Variants in COL5A1 observed in about 807,000 individuals in gnomAD.
COL5A1 encodes collagen alpha-1(V) chain.
In COL5A1, 16 loss-of-function variants were observed where a neutral mutation model predicts 263.7. The ratio of observed to expected loss-of-function variants is 0.06; its 90% CI spans 0.04 to 0.09. COL5A1 has a LOEUF of 0.09. COL5A1 is among the 10% of genes least tolerant of loss of function. The pLI is 1.00. For missense variants in COL5A1, 2,036 were observed against 2,540.5 expected, an observed-to-expected ratio of 0.80 and a Z score of 4.27; for synonymous variants, 1,012 against 1,004.5, an observed-to-expected ratio of 1.01 and a Z score of -0.14.
At position 134,802,157 on chromosome 9, in the gene COL5A1, G is replaced by A. The variant is rs926146073; in HGVS notation, c.3006+150G>A. The A allele has an allele frequency of 9.9e-6, 8 of 810,524 alleles. No homozygotes were observed. In the African/African-American group the frequency reaches 1.0e-4, roughly 10 times the overall value. 50.2% of individuals were successfully genotyped at this position (810,524 alleles called of 1,614,324 possible). ...TCTTAGGTCCTGAATGTTGGTCAGC[G>A]TGAGGCTCGCCCCACGCAGGAGCAA... On this transcript the variant is annotated intron_variant, in intron 38 of 65. Transcript: ENST00000371817.
rs373089071 is a variant in COL5A1 at position 134,700,084 on chromosome 9, C to G, written c.453C>G (p.Asp151Glu). The stretch of plus-strand genomic sequence containing the variant: ...ACACGGGGAAGCCTGGCCCGGAAGA[C>G]TACCCCCTCTTCCGGGGCATCAACC... The part of the protein sequence containing the change: ...EDHTGKPGPE[D>E]YPLFRGINLS... Residue 151 changes from aspartate to glutamate, a missense_variant, in exon 3 of 66, where the codon GAC becomes GAG. By Grantham distance (45) the Asp-to-Glu change is conservative (BLOSUM62 2). Around this residue, in one of 3 missense-constraint regions of COL5A1, gnomAD observed 600 missense variants for 634.5 expected, o/e 0.95. Transcript: ENST00000371817. This position sits in a 1 kb window ranked among gnomAD's most constrained non-coding sequence, Gnocchi z 4.0. 1.9e-5 allele frequency: 30 copies of G among 1,610,714 alleles called. No individual in the cohort carries two copies. The highest frequency in any genetic ancestry group is 2.5e-5 in the Non-Finnish European group (30 of 1,180,018).
At chr9:134,660,011 G>A (rs1019815409) in intron 1 of COL5A1, among the ~76,000 whole-genome samples, 3 of 152,176 alleles carry the variant, frequency 2.0e-5, no homozygotes, top group Admixed American at 1.3e-4. Flanking sequence ...AGGCGCAGGC[G>A]GGCCAGGGGT....
In COL5A1 at chr9:134,701,247, T is replaced by A; in HGVS notation, c.568T>A (p.Phe190Ile). Reference sequence around the variant, plus strand: ...CGACTGTAAAAAGAAGACCACCAAATTCCTCGACCGCAGCGACCACCCCAT... The same window carrying A: ...CGACTGTAAAAAGAAGACCACCAAAATCCTCGACCGCAGCGACCACCCCAT... Reference protein sequence around the residue: ...ILDCKKKTTKFLDRSDHPMID... With the variant: ...ILDCKKKTTKILDRSDHPMID... Residue 190 changes from phenylalanine (F) to isoleucine (I), a missense_variant, in exon 4 of 66, where the codon TTC becomes ATC. Physicochemically the swap from Phe to Ile is conservative, Grantham distance 21. This residue lies in a region of COL5A1 where 600 missense variants were observed against 634.5 expected (regional missense o/e 0.95). Transcript: ENST00000371817. 1 of 1,613,914 alleles carries A rather than the reference T, an allele frequency of 6.2e-7. No homozygotes were observed. Among genetic ancestry groups the A allele is most frequent in the Non-Finnish European group, 8.5e-7 (1 of 1,179,972 alleles).
At chr9:134,672,676 A>G (rs1243433136) in intron 1 of COL5A1, among the ~76,000 whole-genome samples, 1 of 152,234 alleles carries the variant, frequency 6.6e-6, no homozygotes, top group African/African-American at 2.4e-5. Flanking sequence ...CTGGTGAAAT[A>G]AGGTAAGAAA....
At chr9:134,704,698 G>A (rs1833782790) in intron 4 of COL5A1, among the ~76,000 whole-genome samples, 1 of 152,136 alleles carries the variant, frequency 6.6e-6, no homozygotes, top group South Asian at 2.1e-4. Flanking sequence ...GAGTTTCCTG[G>A]CTGTTAGCTG....
At position 134,754,188 on chromosome 9, in the gene COL5A1, G is replaced by A; in HGVS notation, c.1774-85G>A. 1 of 1,447,650 alleles carries A rather than the reference G, an allele frequency of 6.9e-7. No homozygotes were observed. The highest frequency in any genetic ancestry group is 9.6e-7 in the Non-Finnish European group (1 of 1,040,652). 89.7% of individuals were successfully genotyped at this position (1,447,650 alleles called of 1,614,324 possible). Reference sequence around the variant, plus strand: ...GCTTGGACAGCCAGGCATGGGCAGGGTCGATGAGCACAGGGACAAGGCTTT... The same window carrying A: ...GCTTGGACAGCCAGGCATGGGCAGGATCGATGAGCACAGGGACAAGGCTTT... On this transcript the variant is annotated intron_variant, in intron 15 of 65. Coordinates refer to ENST00000371817, the MANE Select transcript of COL5A1 (RefSeq NM_000093.5). The surrounding 1 kb of genome is among the most constrained non-coding windows in gnomAD (Gnocchi z 4.3).
intron 37 of COL5A1, among the ~76,000 whole-genome samples, chr9:134,801,570 C>T (rs1269268622): frequency 1.3e-5 from 2 of 152,152 alleles, no homozygotes; most frequent in East Asian, 3.9e-4. Context: ...AGGTGGATCA[C>T]GAGGTCAGGA....
chr9:134,765,477 C>G lies in COL5A1; in HGVS notation c.2035-204C>G, dbSNP rs1287601284. Reference sequence around the variant, plus strand: ...TTCTCACCAATTCCAGACACCTGCCCCTGGTTCCCAACACCAGGGTGGGGT... The same window carrying G: ...TTCTCACCAATTCCAGACACCTGCCGCTGGTTCCCAACACCAGGGTGGGGT... On this transcript the variant is annotated intron_variant, in intron 20 of 65. Transcript: ENST00000371817. The surrounding 1 kb of genome is among the most constrained non-coding windows in gnomAD (Gnocchi z 5.1). 6.6e-6 allele frequency among the ~76,000 whole-genome samples: 1 copy of G among 152,064 alleles called. No homozygotes were observed. The highest frequency in any genetic ancestry group is 1.5e-5 in the Non-Finnish European group (1 of 67,990).
At chr9:134,781,068 T>C (rs918423211) in intron 28 of COL5A1, among the ~76,000 whole-genome samples, 11 of 152,242 alleles carry the variant, frequency 7.2e-5, no homozygotes, top group African/African-American at 2.7e-4. Context: ...CGAGACTCCT[T>C]ATTTGCTACC....
chr9:134,677,953 A>G lies in COL5A1; in HGVS notation c.110-12959A>G, dbSNP rs1832726942. Among the ~76,000 whole-genome samples the G allele has an allele frequency of 6.6e-6, 1 of 152,194 alleles. No homozygotes were observed. Among genetic ancestry groups the G allele is most frequent in the African/African-American group, 2.4e-5 (1 of 41,448 alleles). ...TTCTCTGTCGCCCCATAGCTTGGGTATGGAGGGCCTCCTCTCCATGCAAGG... is the reference window on the plus strand; with the variant it reads ...TTCTCTGTCGCCCCATAGCTTGGGTGTGGAGGGCCTCCTCTCCATGCAAGG... On this transcript the variant is annotated intron_variant, in intron 1 of 65. Coordinates refer to ENST00000371817, the MANE Select transcript of COL5A1 (RefSeq NM_000093.5). The surrounding 1 kb of genome is among the most constrained non-coding windows in gnomAD (Gnocchi z 4.4).
chr9:134,728,385 C>G (rs905339034), intron 5 of COL5A1, among the ~76,000 whole-genome samples: 4 of 152,256 alleles, frequency 2.6e-5, no homozygotes, highest in African/African-American at 9.6e-5. Flanking sequence ...GGCCTGGGTT[C>G]CAAAGGGCCA....
chr9:134,648,619 C>A (rs1831554385), intron 1 of COL5A1, among the ~76,000 whole-genome samples: 1 of 152,188 alleles, frequency 6.6e-6, no homozygotes, highest in African/African-American at 2.4e-5. Flanking sequence ...ATATAAAGCA[C>A]AGAGTAAGAC....
chr9:134,759,922 C>T (rs1836239263), intron 18 of COL5A1, among the ~76,000 whole-genome samples: 1 of 128,802 alleles, frequency 7.8e-6, no homozygotes, highest in Non-Finnish European at 1.6e-5. Context: ...CACACTCATA[C>T]ATGCACACAC....
chr9:134,700,733 A>T lies in COL5A1; in HGVS notation c.492-438A>T, dbSNP rs1833641137. The stretch of plus-strand genomic sequence containing the variant: ...CTTCTCTGGCTGCCTGCAGTTTGCC[A>T]TCGGGGTTCAGAGGGCACGTGACAA... On this transcript the variant is annotated intron_variant, in intron 3 of 65. Transcript: ENST00000371817. This position sits in a 1 kb window ranked among gnomAD's most constrained non-coding sequence, Gnocchi z 4.0. Among the ~76,000 whole-genome samples, 1 of 152,236 alleles carries T rather than the reference A, an allele frequency of 6.6e-6. No homozygotes were observed. Among genetic ancestry groups the T allele is most frequent in the Non-Finnish European group, 1.5e-5 (1 of 68,046 alleles).
chr9:134,759,998 CCA>C lies in COL5A1; in HGVS notation c.1935+1706_1935+1707del, dbSNP rs565311597. On this transcript the variant is annotated intron_variant, in intron 18 of 65. Coordinates refer to ENST00000371817, the MANE Select transcript of COL5A1 (RefSeq NM_000093.5). The stretch of plus-strand genomic sequence containing the variant: ...GCACACACATGCACACCCACACACC[CCA>C]CACTCATACACACATGCACACACAC... Among the ~76,000 whole-genome samples, 99 of 118,524 alleles carry C rather than the reference CCA, an allele frequency of 8.4e-4. 3 individuals are homozygous for C. The highest frequency in any genetic ancestry group is 7.5e-3 in the East Asian group (23 of 3,086). The allele number at this position is 118,524 out of a possible 152,430, so 77.8% of individuals were successfully genotyped here.
Position 134,696,445 on chromosome 9 carries a change from G to A in COL5A1, c.278-3464G>A, listed in dbSNP as rs1833471886. Among the ~76,000 whole-genome samples the A allele has an allele frequency of 6.6e-6, 1 of 152,120 alleles. No homozygotes were observed. The highest frequency in any genetic ancestry group is 6.5e-5 in the Admixed American group (1 of 15,268). On this transcript the variant is annotated intron_variant, in intron 2 of 65. Coordinates refer to ENST00000371817, the MANE Select transcript of COL5A1 (RefSeq NM_000093.5). This position sits in a 1 kb window ranked among gnomAD's most constrained non-coding sequence, Gnocchi z 4.3. ...TCCTGCCTTGGCCTCCCAAAGTGCT[G>A]GGATTACAGGCATGAACCACCTCGC...
intron 15 of COL5A1, 50 bp downstream of exon 15, chr9:134,753,953 G>A (rs781069156): frequency 2.3e-5 from 36 of 1,532,772 alleles, no homozygotes; most frequent in Admixed American, 6.7e-5. Context: ...CCCGTTCTCC[G>A]GCGGCAGCGA....
In COL5A1 at chr9:134,841,220, C is replaced by A. The variant is rs1840012900; in HGVS notation, c.5371-937C>A. ...CTGGGTCTGAGGTAGCAAAAGCCATCTGCCCAGGATGCGTTTGCAGGCTCC... is the reference window on the plus strand; with the variant it reads ...CTGGGTCTGAGGTAGCAAAAGCCATATGCCCAGGATGCGTTTGCAGGCTCC... On this transcript the variant is annotated intron_variant, in intron 65 of 65. Coordinates refer to ENST00000371817, the MANE Select transcript of COL5A1 (RefSeq NM_000093.5). The surrounding 1 kb of genome is among the most constrained non-coding windows in gnomAD (Gnocchi z 4.8). Among the ~76,000 whole-genome samples the A allele has an allele frequency of 2.6e-5, 4 of 152,234 alleles. No homozygotes were observed. The highest frequency in any genetic ancestry group is 4.8e-5 in the African/African-American group (2 of 41,474).
At chr9:134,837,374 C>T (rs940585440) in intron 65 of COL5A1, among the ~76,000 whole-genome samples, 1 of 151,992 alleles carries the variant, frequency 6.6e-6, no homozygotes, top group Non-Finnish European at 1.5e-5. Context: ...AAGATGGATC[C>T]CACGAAGGAC....
Sources: allele counts gnomAD v4.1 joint callset (sites outside exome capture counted in the v4.1 genomes callset), GRCh38; gene constraint gnomAD v4.1.1; regional missense constraint gnomAD v4.1.1; non-coding constraint Gnocchi (gnomAD v3.1); transcripts MANE v1.5; gene names NCBI Gene and HGNC (gene_info 2026-07-23, HGNC 2026-07-21).